Variants in BTRC observed in about 807,000 individuals in gnomAD.
The protein encoded by BTRC is beta-transducin repeat containing E3 ubiquitin protein ligase.
A neutral mutation model predicts 85.5 loss-of-function variants in BTRC; 42 were observed. The ratio of observed to expected loss-of-function variants is 0.49; its 90% CI spans 0.38 to 0.64. The LOEUF is 0.64. BTRC is among the 30% of genes least tolerant of loss of function. The pLI is 0.00. For synonymous variants in BTRC, 255 were observed against 263.3 expected (o/e 0.97, Z 0.30); for missense variants, 594 against 743.5 (o/e 0.80, Z 2.34).
Position 101,521,705 on chromosome 10 carries a change from GA to G in BTRC, c.395del (p.Lys132ArgfsTer37). ...GCAACGGAAACTCTCAGCAAGCTAT[GA>G]AAAGGAAAAGGAACTGTGTGTCAAA... is the stretch of plus-strand genomic sequence containing the variant. ...PKQRKLSASYEKEKELCVKYF... is the reference protein window; with the variant it reads ...PKQRKLSASYXKEKELCVKYF... On this transcript the variant is annotated frameshift_variant, in exon 5 of 15. Transcript: ENST00000370187. LOFTEE classifies it high-confidence loss of function. The G allele has an allele frequency of 6.2e-7, 1 of 1,614,182 alleles. No individual in the cohort carries two copies. Among genetic ancestry groups the G allele is most frequent in the Non-Finnish European group, 8.5e-7 (1 of 1,180,022 alleles).
At chr10:101,545,364 A>G (rs999021432) in intron 13 of BTRC, among the ~76,000 whole-genome samples, 14 of 152,376 alleles carry the variant, frequency 9.2e-5, no homozygotes, top group African/African-American at 3.4e-4. Context: ...AACTATAAAG[A>G]CACATACACC....
At chr10:101,398,452 G>A (rs933629183) in intron 1 of BTRC, among the ~76,000 whole-genome samples, 7 of 152,052 alleles carry the variant, frequency 4.6e-5, no homozygotes, top group South Asian at 2.1e-4. Context: ...ACAGGTGCCC[G>A]ACACTGTGCC....
At chr10:101,527,704 T>C (rs2062213284) in intron 6 of BTRC, among the ~76,000 whole-genome samples, 1 of 151,784 alleles carries the variant, frequency 6.6e-6, no homozygotes, top group Non-Finnish European at 1.5e-5. Flanking sequence ...CAGTGAGCTG[T>C]GGTCATGCCA....
chr10:101,379,664 T>C (rs1942880052), intron 1 of BTRC, among the ~76,000 whole-genome samples: 1 of 152,178 alleles, frequency 6.6e-6, no homozygotes, highest in Non-Finnish European at 1.5e-5. Context: ...GAAATCTTTG[T>C]TTAAAGTGGC....
At chr10:101,380,507 C>A (rs777310716) in intron 1 of BTRC, among the ~76,000 whole-genome samples, 5 of 152,134 alleles carry the variant, frequency 3.3e-5, no homozygotes, top group Non-Finnish European at 7.4e-5. Flanking sequence ...GTACTCCTCA[C>A]TTCCCAGACG....
intron 2 of BTRC, among the ~76,000 whole-genome samples, chr10:101,455,682 C>T (rs890143650): frequency 2.6e-5 from 4 of 151,940 alleles, no homozygotes; most frequent in Admixed American, 2.6e-4. Context: ...AGAGTGGTTT[C>T]CTTATTTTGG....
chr10:101,373,344 A>G (rs1942693360), intron 1 of BTRC, among the ~76,000 whole-genome samples: 1 of 152,232 alleles, frequency 6.6e-6, no homozygotes. Flanking sequence ...GTAATAGTCT[A>G]CGCAAGAGAC....
intron 1 of BTRC, among the ~76,000 whole-genome samples, chr10:101,407,605 G>A (rs1425566597): frequency 1.3e-5 from 2 of 152,084 alleles, no homozygotes; most frequent in Non-Finnish European, 2.9e-5. Flanking sequence ...TGCCCAAGCT[G>A]GTCTTGAACT....
intron 4 of BTRC, among the ~76,000 whole-genome samples, chr10:101,486,485 G>A (rs914644935): frequency 1.3e-5 from 2 of 151,956 alleles, no homozygotes; most frequent in Non-Finnish European, 2.9e-5. Flanking sequence ...CAGCAAGAAG[G>A]GCATACTCTT....
At chr10:101,501,863 C>A (rs1344174117) in intron 4 of BTRC, among the ~76,000 whole-genome samples, 1 of 152,152 alleles carries the variant, frequency 6.6e-6, no homozygotes, top group African/African-American at 2.4e-5. Flanking sequence ...TTTCTTATTA[C>A]AACCCCTCTT....
At chr10:101,529,869 A>T (rs2062253835) in intron 6 of BTRC, among the ~76,000 whole-genome samples, 1 of 152,100 alleles carries the variant, frequency 6.6e-6, no homozygotes, top group Non-Finnish European at 1.5e-5. Context: ...AGAAAACATG[A>T]TTTCTCTGGT....
chr10:101,499,279 C>T (rs908130791), intron 4 of BTRC, among the ~76,000 whole-genome samples: 4 of 151,466 alleles, frequency 2.6e-5, no homozygotes, highest in African/African-American at 2.4e-5. Flanking sequence ...CTCGTTCTGT[C>T]GGGCTGGAGT....
intron 1 of BTRC, among the ~76,000 whole-genome samples, chr10:101,403,417 C>T (rs978829658): frequency 6.6e-6 from 1 of 152,106 alleles, no homozygotes; most frequent in African/African-American, 2.4e-5. Flanking sequence ...GGTGTATATT[C>T]CTTTTTCTGT....
intron 9 of BTRC, among the ~76,000 whole-genome samples, chr10:101,533,960 A>G (rs1317106804): frequency 6.6e-6 from 1 of 152,230 alleles, no homozygotes; most frequent in Admixed American, 6.5e-5. Flanking sequence ...TATAAGATAA[A>G]GAAAAAATGA....
At chr10:101,363,371 T>G (rs1027315440) in intron 1 of BTRC, among the ~76,000 whole-genome samples, 1 of 152,224 alleles carries the variant, frequency 6.6e-6, no homozygotes, top group Non-Finnish European at 1.5e-5. Flanking sequence ...CCTTAATATC[T>G]GTTAAGGCAC....
chr10:101,359,529 A>G (rs10883623), intron 1 of BTRC, among the ~76,000 whole-genome samples: 54,178 of 151,474 alleles, frequency 0.36, 10,866 homozygotes, highest in Middle Eastern at 0.48. Context: ...CTGGGTTCAA[A>G]TGATTCTCCT....
intron 1 of BTRC, among the ~76,000 whole-genome samples, chr10:101,408,527 C>T (rs1176729981): frequency 6.6e-6 from 1 of 152,076 alleles, no homozygotes; most frequent in African/African-American, 2.4e-5. Flanking sequence ...GGCTGGTCTC[C>T]AACTCATGGA....
intron 13 of BTRC, among the ~76,000 whole-genome samples, chr10:101,544,014 A>G (rs1424798253): frequency 6.6e-6 from 1 of 151,982 alleles, no homozygotes; most frequent in East Asian, 1.9e-4. Flanking sequence ...GGTTCAAGCA[A>G]TTCTCCTGCC....
At chr10:101,432,250 TC>T (rs1944421994) in intron 2 of BTRC, among the ~76,000 whole-genome samples, 2 of 151,790 alleles carry the variant, frequency 1.3e-5, no homozygotes, top group Non-Finnish European at 2.9e-5. Flanking sequence ...ACCTCAAACT[TC>T]CGGGTAGCTG....
Sources: allele counts gnomAD v4.1 joint callset (sites outside exome capture counted in the v4.1 genomes callset), GRCh38; gene constraint gnomAD v4.1.1; transcripts MANE v1.5; gene names NCBI Gene and HGNC (gene_info 2026-07-23, HGNC 2026-07-21).